Variants in PPP2R1B observed in about 807,000 individuals in gnomAD.
The protein encoded by PPP2R1B is serine/threonine-protein phosphatase 2A 65 kDa regulatory subunit A beta isoform.
PPP2R1B carries 58 observed loss-of-function variants against 72.7 expected under a neutral mutation model. That is an observed-to-expected ratio of 0.80 (90% CI 0.65 to 0.99). PPP2R1B has a LOEUF of 0.99. Ranked by LOEUF, PPP2R1B falls within the 50% of genes least tolerant of loss-of-function variation. PPP2R1B has a pLI of 0.00. For synonymous variants in PPP2R1B, 256 were observed against 264.6 expected, an observed-to-expected ratio of 0.97 and a Z score of 0.32; for missense variants, 695 against 733.6, an observed-to-expected ratio of 0.95 and a Z score of 0.61.
At chr11:111,765,903 T>G (rs643506) in intron 1 of PPP2R1B, 357,993 of 502,160 alleles carry the variant, frequency 0.71, 129,134 homozygotes, top group African/African-American at 0.9. Flanking sequence ...CGTCTCGGCC[T>G]GGCACCGCGC....
intron 3 of PPP2R1B, chr11:111,761,417 A>G: frequency 2.7e-6 from 1 of 371,390 alleles, no homozygotes; most frequent in Non-Finnish European, 5.3e-6. Flanking sequence ...GAGTAAGTAC[A>G]AAACTATGAC....
At chr11:111,695,792 C>T in the PPP2R1B span, among the ~76,000 whole-genome samples, 4 of 152,162 alleles carry the variant, frequency 2.6e-5, no homozygotes, top group Non-Finnish European at 5.9e-5. Flanking sequence ...GTATTTGGTT[C>T]CCATTAGACA....
chr11:111,703,260 T>C, the PPP2R1B span: 1 of 1,614,156 alleles, frequency 6.2e-7, no homozygotes, highest in Non-Finnish European at 8.5e-7. Flanking sequence ...CGGCTAACCA[T>C]AGCCCAAATC....
At chr11:111,766,056 G>A (rs1036109924) in intron 1 of PPP2R1B, 192 bp downstream of exon 1, 1 of 623,660 alleles carries the variant, frequency 1.6e-6, no homozygotes, top group African/African-American at 1.8e-5. Flanking sequence ...AAGGTTACTA[G>A]AGAGGTACCC....
At chr11:111,699,367 A>G in the PPP2R1B span, among the ~76,000 whole-genome samples, 1 of 152,178 alleles carries the variant, frequency 6.6e-6, no homozygotes, top group South Asian at 2.1e-4. Flanking sequence ...CTGAAAGGCA[A>G]CAGTTGGTGG....
the PPP2R1B span, chr11:111,701,094 C>G: frequency 6.6e-7 from 1 of 1,507,048 alleles, no homozygotes. This position sits in a 1 kb window ranked among gnomAD's most constrained non-coding sequence, Gnocchi z 4.2. Context: ...GCTCCTGGTA[C>G]TTAACACATA....
chr11:111,742,649 C>T lies in PPP2R1B; in HGVS notation c.1571G>A (p.Cys524Tyr), dbSNP rs1156578249. Reference protein sequence around the residue: ...LFCINALSEACGQEITTKQML... With the variant: ...LFCINALSEAYGQEITTKQML... Reference sequence around the variant, plus strand: ...TTGCTTAGTAGTTATTTCCTGACCACAGGCCTCAGACAGTGCCTAGAAAAA... The same window carrying T: ...TTGCTTAGTAGTTATTTCCTGACCATAGGCCTCAGACAGTGCCTAGAAAAA... The change falls in exon 13 of 15, where the codon TGT becomes TAT. Residue 524 changes from cysteine (C) to tyrosine (Y), a missense_variant. Physicochemically the swap from Cys to Tyr is radical, Grantham distance 194. Transcript: ENST00000527614. 6.2e-7 allele frequency: 1 copy of T among 1,612,742 alleles called. No individual in the cohort carries two copies. The highest frequency in any genetic ancestry group is 8.5e-7 in the Non-Finnish European group (1 of 1,179,554).
At position 111,759,920 on chromosome 11, in the gene PPP2R1B, G is replaced by A. The variant is rs1945263706; in HGVS notation, c.571C>T (p.Pro191Ser). ...GAAGCAGCAGCACGTCGTACCATTG[G>A]TGTGTCATCTGAGCACAAGGAACGG... ...QFRSLCSDDT[P>S]MVRRAAASKL... Residue 191 changes from proline to serine, a missense_variant, in exon 5 of 15, where the codon CCA becomes TCA. Physicochemically the swap from Pro to Ser is moderately conservative, Grantham distance 74 (BLOSUM62 -1). Transcript: ENST00000527614. 4.3e-6 allele frequency: 7 copies of A among 1,614,052 alleles called. No homozygotes were observed. Among genetic ancestry groups the A allele is most frequent in the Non-Finnish European group, 5.9e-6 (7 of 1,179,972 alleles).
exon 16 of PPP2R1B, chr11:111,727,056 C>G (rs1943993874): frequency 6.2e-7 from 1 of 1,613,516 alleles, no homozygotes; most frequent in South Asian, 1.1e-5. Context: ...ATACACTGGT[C>G]CCTGTAAGGC....
chr11:111,723,758 T>TCCA (rs1565399301), downstream of PPP2R1B: 7 of 1,613,844 alleles, frequency 4.3e-6, no homozygotes, highest in South Asian at 7.7e-5. Flanking sequence ...GCCCCTGCCC[T>TCCA]CCACTTCCGG....
chr11:111,756,486 T>G (rs1415440551), intron 5 of PPP2R1B, among the ~76,000 whole-genome samples: 1 of 152,002 alleles, frequency 6.6e-6, no homozygotes, highest in Non-Finnish European at 1.5e-5. Flanking sequence ...TTATAACAGA[T>G]TAGGACAAAG....
intron 1 of PPP2R1B, chr11:111,765,888 A>G: frequency 2.0e-6 from 1 of 496,500 alleles, no homozygotes; most frequent in African/African-American, 1.9e-5. Flanking sequence ...CAGCCGCTCC[A>G]GCCCCGTCTC....
intron 8 of PPP2R1B, 38 bp from the exon 9 acceptor site, chr11:111,753,615 A>G: frequency 1.9e-6 from 3 of 1,567,872 alleles, no homozygotes; most frequent in Non-Finnish European, 2.6e-6. Context: ...TTATTACAAG[A>G]CAACAGAAAC....
At position 111,739,739 on chromosome 11, in the gene PPP2R1B, A is replaced by C; in HGVS notation, c.*1857T>G. On this transcript the variant is annotated 3_prime_UTR_variant, in exon 15 of 15. Transcript: ENST00000527614. ...AATATGAAATTCAATGAAGAAGAAC[A>C]TAACTTGCAGGTAACAAAAAATAAA... 5.1e-6 allele frequency: 5 copies of C among 982,924 alleles called. No homozygotes were observed. Among genetic ancestry groups the C allele is most frequent in the Non-Finnish European group, 6.0e-6 (5 of 827,620 alleles). The allele number at this position is 982,924 out of a possible 1,614,324, so 60.9% of individuals were successfully genotyped here.
intron 3 of PPP2R1B, among the ~76,000 whole-genome samples, chr11:111,762,642 G>A (rs910531669): frequency 1.3e-5 from 2 of 150,434 alleles, no homozygotes; most frequent in Non-Finnish European, 2.9e-5. Context: ...TGCGGCCTCA[G>A]ACTCCTCGTC....
intron 11 of PPP2R1B, among the ~76,000 whole-genome samples, chr11:111,744,450 T>C (rs1316191784): frequency 1.3e-5 from 2 of 152,196 alleles, no homozygotes; most frequent in African/African-American, 4.8e-5. Flanking sequence ...TAATTCCCTA[T>C]ATCCTTTGAT....
intron 10 of PPP2R1B, among the ~76,000 whole-genome samples, chr11:111,751,202 G>A (rs182315383): frequency 1.1e-4 from 17 of 152,188 alleles, no homozygotes; most frequent in Admixed American, 2.6e-4. Context: ...TAGGGCAAGT[G>A]GTACCTAGGG....
the PPP2R1B span, among the ~76,000 whole-genome samples, chr11:111,716,908 C>T: frequency 6.6e-6 from 1 of 152,036 alleles, no homozygotes; most frequent in African/African-American, 2.4e-5. Context: ...ATATCCAGCC[C>T]ATAAGGAACT....
At chr11:111,754,936 C>A in intron 7 of PPP2R1B, 44 bp downstream of exon 7, 2 of 1,496,614 alleles carry the variant, frequency 1.3e-6, no homozygotes, top group Admixed American at 2.0e-5. Flanking sequence ...AAAAATGCAC[C>A]AAAATGAATG....
Sources: allele counts gnomAD v4.1 joint callset (sites outside exome capture counted in the v4.1 genomes callset), GRCh38; gene constraint gnomAD v4.1.1; non-coding constraint Gnocchi (gnomAD v3.1); transcripts MANE v1.5; gene names NCBI Gene and HGNC (gene_info 2026-07-23, HGNC 2026-07-21).